Variants in ACACB observed in about 807,000 individuals in gnomAD.
The protein encoded by ACACB is acetyl-CoA carboxylase 2.
A neutral mutation model predicts 278.8 loss-of-function variants in ACACB; 209 were observed. The observed-to-expected ratio is 0.75, with a 90% CI of 0.67 to 0.84. The LOEUF (loss-of-function observed/expected upper bound fraction) is 0.84. ACACB is among the 40% of genes least tolerant of loss of function. ACACB has a pLI of 0.00. For missense variants in ACACB, 2,850 were observed against 3,269.0 expected, an observed-to-expected ratio of 0.87 and a Z score of 3.13; for synonymous variants, 1,174 against 1,285.6, an observed-to-expected ratio of 0.91 and a Z score of 1.86.
At chr12:109,234,865 A>C (rs1048675874) in intron 31 of ACACB, among the ~76,000 whole-genome samples, 2 of 151,706 alleles carry the variant, frequency 1.3e-5, no homozygotes, top group African/African-American at 4.8e-5. Flanking sequence ...CCACCATGGC[A>C]CATATATACC....
rs1346750205 is a variant in ACACB at position 109,262,950 on chromosome 12, T to TTTTATATATATATATATATATATATATA, written c.6787+482_6787+483insTTATATATATATATATATATATATATAT. 2.9e-4 allele frequency: 18 copies of TTTTATATATATATATATATATATATATA among 62,510 alleles called. 1 individual carries two copies. Among genetic ancestry groups the TTTTATATATATATATATATATATATATA allele is most frequent in the Non-Finnish European group, 5.5e-4 (14 of 25,656 alleles). The allele number at this position is 62,510 out of a possible 1,614,324, so 3.9% of individuals were successfully genotyped here. ...CATTTCTAAATCAACCTTTTTAACA[T>TTTTATATATATATATATATATATATATA]TATATATATATATATATATATATAT... On this transcript the variant is annotated intron_variant, in intron 49 of 52. Coordinates refer to ENST00000338432, the MANE Select transcript of ACACB (RefSeq NM_001093.4).
At chr12:109,220,572 G>C (rs1006038738) in intron 24 of ACACB, among the ~76,000 whole-genome samples, 1 of 152,138 alleles carries the variant, frequency 6.6e-6, no homozygotes, top group African/African-American at 2.4e-5. Flanking sequence ...TTGTTTTCGA[G>C]ACAGAGTCTT....
intron 19 of ACACB, among the ~76,000 whole-genome samples, chr12:109,203,970 A>G (rs2045415982): frequency 6.6e-6 from 1 of 152,142 alleles, no homozygotes; most frequent in African/African-American, 2.4e-5. Flanking sequence ...AAAATTTAAA[A>G]ATATCACATG....
chr12:109,242,387 G>A (rs753079535), intron 36 of ACACB, 50 bp from the exon 37 acceptor site: 45 of 1,577,834 alleles, frequency 2.9e-5, no homozygotes, highest in African/African-American at 4.0e-5. Context: ...TAAATTGGGG[G>A]AGATGTGTGA....
At chr12:109,190,704 T>C (rs2044843457) in intron 13 of ACACB, among the ~76,000 whole-genome samples, 1 of 152,074 alleles carries the variant, frequency 6.6e-6, no homozygotes, top group Non-Finnish European at 1.5e-5. Flanking sequence ...CATAGCTCAC[T>C]GCAGCCTCAA....
At chr12:109,177,974 G>A (rs189990429) in intron 9 of ACACB, among the ~76,000 whole-genome samples, 2 of 152,220 alleles carry the variant, frequency 1.3e-5, no homozygotes, top group East Asian at 3.9e-4. Flanking sequence ...TTACTTATAT[G>A]AGTGCACTAT....
chr12:109,175,231 TC>T (rs200420638), intron 7 of ACACB, among the ~76,000 whole-genome samples: 13 of 149,756 alleles, frequency 8.7e-5, no homozygotes, highest in African/African-American at 1.7e-4. Context: ...TGTTTTTTTT[TC>T]CCCCCCCAAA....
At chr12:109,114,501 G>T (rs986006778), upstream of ACACB, among the ~76,000 whole-genome samples, 1 of 152,028 alleles carries the variant, frequency 6.6e-6, no homozygotes, top group African/African-American at 2.4e-5. Context: ...CAGCAGGACT[G>T]GTGATTTCTT....
chr12:109,191,616 C>T lies in ACACB; in HGVS notation c.2148C>T (p.Asn716=). The part of the protein sequence containing the change: ...WGENREEAIS[N]MVVALKELSI... The stretch of plus-strand genomic sequence containing the variant: ...TCCATGTGCCTTTCCCTTCAAGGAA[C>T]ATGGTGGTGGCTTTGAAGGAACTGT... Residue 716 remains asparagine, a synonymous_variant, in exon 14 of 53, where the codon AAC becomes AAT. Transcript: ENST00000338432. 1 of 1,614,132 alleles carries T rather than the reference C, an allele frequency of 6.2e-7. No homozygotes were observed. The highest frequency in any genetic ancestry group is 8.5e-7 in the Non-Finnish European group (1 of 1,180,010).
chr12:109,215,621 G>A (rs534577643), intron 22 of ACACB, among the ~76,000 whole-genome samples: 4 of 151,974 alleles, frequency 2.6e-5, no homozygotes, highest in Admixed American at 6.6e-5. Flanking sequence ...AAAATTAGCC[G>A]AGCGTGGGTG....
In ACACB at chr12:109,193,356, G is replaced by A. The variant is rs552113304; in HGVS notation, c.2400-292G>A. 1.3e-5 allele frequency among the ~76,000 whole-genome samples: 2 copies of A among 151,836 alleles called. 1 individual carries two copies. The highest frequency in any genetic ancestry group is 4.2e-4 in the South Asian group (2 of 4,800). The stretch of plus-strand genomic sequence containing the variant: ...CCTCAGCCTCCCGAGTAGCTGGGAT[G>A]ACAGCTGCATGCCACCACGCCCGGC... On this transcript the variant is annotated intron_variant, in intron 15 of 52. Coordinates refer to ENST00000338432, the MANE Select transcript of ACACB (RefSeq NM_001093.4).
At chr12:109,259,568 AAAAAAAC>A (rs1168496726) in intron 47 of ACACB, among the ~76,000 whole-genome samples, 2 of 134,920 alleles carry the variant, frequency 1.5e-5, no homozygotes, top group Non-Finnish European at 3.3e-5. Context: ...CATCTCAAAA[AAAAAAAC>A]AAAAAAACAA....
In ACACB at chr12:109,140,923, G is replaced by A. The variant is rs138950154; in HGVS notation, c.653+865G>A. On this transcript the variant is annotated intron_variant, in intron 2 of 52. Transcript: ENST00000338432. ...TTTTTTTTTTTTTTTTTGAGACAGG[G>A]TCTTACTCTGTCACTCTGTTAGCTG... 2.1e-3 allele frequency among the ~76,000 whole-genome samples: 270 copies of A among 126,358 alleles called. 5 individuals are homozygous for A. The East Asian group carries it at 0.074, about 35-fold the overall frequency. 82.9% of individuals were successfully genotyped at this position (126,358 alleles called of 152,430 possible).
At chr12:109,210,143 G>GTA (rs1273019722) in intron 21 of ACACB, among the ~76,000 whole-genome samples, 2 of 66,596 alleles carry the variant, frequency 3.0e-5, no homozygotes, top group African/African-American at 1.1e-4. Context: ...GTGTATATAT[G>GTA]TATATATACA....
intron 22 of ACACB, among the ~76,000 whole-genome samples, chr12:109,214,825 C>T (rs1417034089): frequency 2.0e-5 from 3 of 152,162 alleles, no homozygotes; most frequent in Admixed American, 6.6e-5. Flanking sequence ...CGGCTAGGTG[C>T]GATGGCTCAC....
chr12:109,176,102 A>G, intron 8 of ACACB, 51 bp from the exon 9 acceptor site: 3 of 1,611,234 alleles, frequency 1.9e-6, no homozygotes, highest in Non-Finnish European at 2.5e-6. Flanking sequence ...TCCTGGTAGC[A>G]GTTGGCAACT....
At chr12:109,189,481 G>A (rs571490385) in intron 13 of ACACB, among the ~76,000 whole-genome samples, 21 of 152,300 alleles carry the variant, frequency 1.4e-4, no homozygotes, top group African/African-American at 4.1e-4. Flanking sequence ...AACTTCAACA[G>A]AACTCACAGG....
At chr12:109,186,568 T>G (rs1337349146) in intron 12 of ACACB, among the ~76,000 whole-genome samples, 1 of 152,164 alleles carries the variant, frequency 6.6e-6, no homozygotes, top group Non-Finnish European at 1.5e-5. Flanking sequence ...ACAAACCAAC[T>G]GGCATCCCTT....
intron 2 of ACACB, among the ~76,000 whole-genome samples, chr12:109,150,573 G>A (rs2136074218): frequency 6.6e-6 from 1 of 152,350 alleles, no homozygotes; most frequent in Non-Finnish European, 1.5e-5. Flanking sequence ...TCCCAGGAAG[G>A]CAAATGAGGC....
Sources: gnomAD v4.1 joint callset for allele counts (sites outside exome capture counted in the v4.1 genomes callset) on GRCh38, gnomAD v4.1.1 for gene constraint, MANE v1.5 for transcripts, NCBI Gene and HGNC (gene_info 2026-07-23, HGNC 2026-07-21) for gene names.